Variants in KLF12 observed in about 807,000 individuals in gnomAD.
KLF12 encodes Krueppel-like factor 12.
Under a neutral mutation model 37.8 loss-of-function variants are expected in KLF12, and 9 were observed. That is an observed-to-expected ratio of 0.24 (90% CI 0.14 to 0.42). The LOEUF (loss-of-function observed/expected upper bound fraction) is 0.42. Among genes scored for constraint, KLF12 ranks in the 10% least tolerant of loss-of-function variants. The pLI is 1.00. For synonymous variants in KLF12, 208 were observed against 202.1 expected, an observed-to-expected ratio of 1.03 and a Z score of -0.25; for missense variants, 411 against 516.0, an observed-to-expected ratio of 0.80 and a Z score of 1.97.
chr13:74,048,424 G>GT (rs146718214), intron 1 of KLF12, among the ~76,000 whole-genome samples: 8,533 of 148,596 alleles, frequency 0.057, 314 homozygotes, highest in Admixed American at 0.089. Context: ...CTCAAGGACT[G>GT]TTTTTTTTTT....
chr13:74,234,662 G>A, the KLF12 span, among the ~76,000 whole-genome samples: 10 of 151,896 alleles, frequency 6.6e-5, no homozygotes, highest in East Asian at 5.8e-4. Context: ...TTATTCATTC[G>A]TTTGGCTATA....
At chr13:74,030,771 C>T (rs896728053) in intron 1 of KLF12, among the ~76,000 whole-genome samples, 2 of 152,102 alleles carry the variant, frequency 1.3e-5, no homozygotes, top group African/African-American at 2.4e-5. Context: ...TAGCATCTTA[C>T]TTCACAAGAT....
the KLF12 span, among the ~76,000 whole-genome samples, chr13:74,275,889 CTTTCT>C: frequency 1.4e-3 from 148 of 107,594 alleles, 3 homozygotes; most frequent in African/African-American, 5.5e-3. Context: ...TTCTTTCTTT[CTTTCT>C]TTCTTTCTTT....
intron 3 of KLF12, among the ~76,000 whole-genome samples, chr13:73,922,576 G>T (rs928964211): frequency 2.8e-4 from 43 of 152,108 alleles, no homozygotes; most frequent in African/African-American, 1.0e-3. Flanking sequence ...TTACAACCAG[G>T]AGAGAGGCAG....
At chr13:74,074,655 G>A (rs1874463778) in intron 1 of KLF12, among the ~76,000 whole-genome samples, 2 of 152,060 alleles carry the variant, frequency 1.3e-5, no homozygotes, top group Non-Finnish European at 2.9e-5. Flanking sequence ...TCTTAGGTTT[G>A]GGGGTACATG....
At chr13:73,876,000 G>A (rs1886684850) in intron 3 of KLF12, among the ~76,000 whole-genome samples, 1 of 151,862 alleles carries the variant, frequency 6.6e-6, no homozygotes, top group Non-Finnish European at 1.5e-5. Context: ...TCTGTCTTTT[G>A]GCTTTTGGAA....
chr13:73,998,029 A>T (rs1322951153), intron 1 of KLF12, among the ~76,000 whole-genome samples: 1 of 152,112 alleles, frequency 6.6e-6, no homozygotes, highest in African/African-American at 2.4e-5. Flanking sequence ...TGATTTTTAA[A>T]TTCTTTCCTT....
At chr13:74,195,512 G>A in the KLF12 span, among the ~76,000 whole-genome samples, 2 of 152,174 alleles carry the variant, frequency 1.3e-5, no homozygotes, top group African/African-American at 2.4e-5. Context: ...TAGGCTTCAT[G>A]TCTGAGATTG....
In KLF12 at chr13:74,096,579, T is replaced by C. The variant is rs956080070; in HGVS notation, c.-32+37160A>G. On this transcript the variant is annotated intron_variant, in intron 1 of 7. Coordinates refer to ENST00000377669, the MANE Select transcript of KLF12 (RefSeq NM_007249.5). ...GCAGAAACAATAACCTAGGGTTTCT[T>C]TTAAGCTTTTGAAAATCAATATTCA... Among the ~76,000 whole-genome samples, 6 of 152,348 alleles carry C rather than the reference T, an allele frequency of 3.9e-5. No homozygotes were observed. The East Asian group carries it at 1.2e-3, about 29-fold the overall frequency.
chr13:74,006,634 C>T (rs376102687), intron 1 of KLF12, among the ~76,000 whole-genome samples: 6 of 152,336 alleles, frequency 3.9e-5, no homozygotes, highest in African/African-American at 1.4e-4. Context: ...CTTCCAAGAA[C>T]TCAAAACTGA....
intron 1 of KLF12, among the ~76,000 whole-genome samples, chr13:73,995,327 G>A (rs1405272092): frequency 6.6e-6 from 1 of 151,962 alleles, no homozygotes; most frequent in East Asian, 1.9e-4. Context: ...GAGGGAGGAA[G>A]GGAGGAGGAG....
intron 1 of KLF12, among the ~76,000 whole-genome samples, chr13:74,079,107 G>T (rs1874731111): frequency 6.6e-6 from 1 of 152,102 alleles, no homozygotes. Flanking sequence ...GTTGCACAAG[G>T]TATTTTCAAA....
intron 1 of KLF12, among the ~76,000 whole-genome samples, chr13:74,058,286 A>G (rs1311446329): frequency 2.6e-5 from 4 of 150,984 alleles, no homozygotes. Context: ...ATCTTTGATA[A>G]GTTTCTCAGA....
At chr13:73,828,396 T>C (rs549031229) in intron 4 of KLF12, among the ~76,000 whole-genome samples, 10 of 152,348 alleles carry the variant, frequency 6.6e-5, no homozygotes, top group Non-Finnish European at 1.3e-4. Context: ...CTGATAAATG[T>C]CATTTTAGAT....
chr13:74,131,459 A>C (rs1253739574), intron 1 of KLF12, among the ~76,000 whole-genome samples: 1 of 152,202 alleles, frequency 6.6e-6, no homozygotes, highest in Non-Finnish European at 1.5e-5. Flanking sequence ...AACAACCACC[A>C]GCCAAGAGTT....
In KLF12 at chr13:74,064,855, C is replaced by G. The variant is rs536570718; in HGVS notation, c.-32+68884G>C. ...ACAAAGTCACAAAGTCACACAGGTACTAAGTTATCTCAGAATCAATGTTAG... is the reference window on the plus strand; with the variant it reads ...ACAAAGTCACAAAGTCACACAGGTAGTAAGTTATCTCAGAATCAATGTTAG... On this transcript the variant is annotated intron_variant, in intron 1 of 7. Transcript: ENST00000377669. Among the ~76,000 whole-genome samples the G allele has an allele frequency of 2.0e-5, 3 of 152,274 alleles. No homozygotes were observed. The East Asian group carries it at 5.8e-4, about 29-fold the overall frequency.
the KLF12 span, among the ~76,000 whole-genome samples, chr13:74,291,235 A>G: frequency 6.6e-6 from 1 of 152,256 alleles, no homozygotes; most frequent in African/African-American, 2.4e-5. Flanking sequence ...GGAAATGCCT[A>G]TAAATAGGTT....
chr13:74,282,178 T>C, the KLF12 span, among the ~76,000 whole-genome samples: 2 of 152,202 alleles, frequency 1.3e-5, no homozygotes, highest in Non-Finnish European at 1.5e-5. Flanking sequence ...AGCTTCATTA[T>C]TAAATGTTAA....
At chr13:73,995,220 C>T (rs1478366476) in intron 1 of KLF12, among the ~76,000 whole-genome samples, 167 bp from the exon 2 acceptor site, 1 of 152,114 alleles carries the variant, frequency 6.6e-6, no homozygotes, top group Non-Finnish European at 1.5e-5. Flanking sequence ...TGCTCTTCAG[C>T]AGCCATCAAA....
Sources: allele counts gnomAD v4.1 joint callset (sites outside exome capture counted in the v4.1 genomes callset), GRCh38; gene constraint gnomAD v4.1.1; transcripts MANE v1.5; gene names NCBI Gene and HGNC (gene_info 2026-07-23, HGNC 2026-07-21).